Variants in ABCB9 observed in about 807,000 individuals in gnomAD.
ABCB9 encodes ABC-type oligopeptide transporter ABCB9.
A neutral mutation model predicts 62.0 loss-of-function variants in ABCB9; 36 were observed. That is an observed-to-expected ratio of 0.58 (90% CI 0.45 to 0.77). The LOEUF (loss-of-function observed/expected upper bound fraction) is 0.77. Ranked by LOEUF, ABCB9 falls within the 30% of genes least tolerant of loss-of-function variation. The probability of loss-of-function intolerance (pLI) is 0.00; values close to 1 mark genes in which losing one functional copy is unlikely to be tolerated. For synonymous variants in ABCB9, 435 were observed against 461.4 expected, an observed-to-expected ratio of 0.94 and a Z score of 0.73; for missense variants, 943 against 1,054.7, an observed-to-expected ratio of 0.89 and a Z score of 1.47.
chr12:122,939,948 G>T, intron 9 of ABCB9, 163 bp downstream of exon 9: 1 of 1,025,200 alleles, frequency 9.8e-7, no homozygotes, highest in Non-Finnish European at 1.4e-6. Context: ...CACCACGTCT[G>T]GACAAGAATG....
At chr12:122,919,025 G>A (rs1184839072), downstream of ABCB9, among the ~76,000 whole-genome samples, 2 of 152,114 alleles carry the variant, frequency 1.3e-5, no homozygotes, top group African/African-American at 2.4e-5. Context: ...TCTTTCATTT[G>A]CATAATGCTT....
At chr12:122,919,881 G>GTTTATTTATTTATTATTTA (rs2034706191), downstream of ABCB9, among the ~76,000 whole-genome samples, 1 of 138,814 alleles carries the variant, frequency 7.2e-6, no homozygotes, top group South Asian at 2.3e-4. Context: ...CTGTTTGTTT[G>GTTTATTTATTTATTATTTA]TTTATTTATT....
rs946146244 is a variant in ABCB9, at chr12:122,932,422, G to A, written c.1904-94C>T. The A allele has an allele frequency of 6.9e-7, 1 of 1,448,550 alleles. No homozygotes were observed. The highest frequency in any genetic ancestry group is 2.5e-5 in the Admixed American group (1 of 40,716). 89.7% of individuals were successfully genotyped at this position (1,448,550 alleles called of 1,614,324 possible). On this transcript the variant is annotated intron_variant, in intron 10 of 11. Transcript: ENST00000280560. This position sits in a 1 kb window ranked among gnomAD's most constrained non-coding sequence, Gnocchi z 4.7. Reference sequence around the variant, plus strand: ...GGCCCTGCCCTGCAGCTGTGGAAAGGGCGGGCTGGAACCCACAACTTGAAA... The same window carrying A: ...GGCCCTGCCCTGCAGCTGTGGAAAGAGCGGGCTGGAACCCACAACTTGAAA...
intron 5 of ABCB9, chr12:122,946,470 C>T (rs1176452298): frequency 1.3e-5 from 7 of 546,190 alleles, no homozygotes; most frequent in South Asian, 2.1e-5. Flanking sequence ...GGATAGGGCA[C>T]GGTGCTGATC....
chr12:122,964,483 C>T lies in ABCB9; in HGVS notation c.-88+1804G>A, dbSNP rs1485001471. 2.6e-5 allele frequency among the ~76,000 whole-genome samples: 4 copies of T among 152,218 alleles called. No homozygotes were observed. The highest frequency in any genetic ancestry group is 5.9e-5 in the Non-Finnish European group (4 of 68,034). On this transcript the variant is annotated intron_variant, in intron 1 of 11. Transcript: ENST00000280560. The surrounding 1 kb of genome is among the most constrained non-coding windows in gnomAD (Gnocchi z 4.7). ...AGCAGTGCTAGCACCTGGGTCCCTGCCCCCAAGCACTAGTCCTTCTACCAC... is the reference window on the plus strand; with the variant it reads ...AGCAGTGCTAGCACCTGGGTCCCTGTCCCCAAGCACTAGTCCTTCTACCAC...
rs374106311 is a variant in ABCB9, at chr12:122,932,177, C to A, written c.2040+15G>T. 29 of 1,551,700 alleles carry A rather than the reference C, an allele frequency of 1.9e-5. No homozygotes were observed. The African/African-American group carries it at 3.0e-4, about 16-fold the overall frequency. ...CCGCTCCTGCCCCCGCATTGCCCACCACCCTGTGACTCACCAGATACTCGC... is the reference window on the plus strand; with the variant it reads ...CCGCTCCTGCCCCCGCATTGCCCACAACCCTGTGACTCACCAGATACTCGC... On this transcript the variant is annotated intron_variant, in intron 11 of 11. Transcript: ENST00000280560. The surrounding 1 kb of genome is among the most constrained non-coding windows in gnomAD (Gnocchi z 4.7).
downstream of ABCB9, among the ~76,000 whole-genome samples, chr12:122,919,885 A>G (rs11060770): frequency 0.014 from 798 of 55,160 alleles, 5 homozygotes; most frequent in Non-Finnish European, 0.023. Flanking sequence ...TTGTTTGTTT[A>G]TTTATTTATT....
In ABCB9 at chr12:122,930,127, G is replaced by A; in HGVS notation, c.2085C>T (p.Leu695=). ...CGGTGCTCAGCCGGTGCGCGATGAT[G>A]AGTACCGTGTGCTTCTGCAGGTTGC... ...IHGNLQKHTV[L]IIAHRLSTVE... is the part of the protein sequence containing the mutation. Residue 695 remains leucine, a synonymous_variant, in exon 12 of 12, where the codon CTC becomes CTT. Coordinates refer to ENST00000280560, the MANE Select transcript of ABCB9 (RefSeq NM_019625.4). This position sits in a 1 kb window ranked among gnomAD's most constrained non-coding sequence, Gnocchi z 4.9. The A allele has an allele frequency of 6.4e-7, 1 of 1,554,394 alleles. No individual in the cohort carries two copies.
At position 122,944,474 on chromosome 12, in the gene ABCB9, G is replaced by T; in HGVS notation, c.1297C>A (p.His433Asn). Residue 433 changes from histidine to asparagine, a missense_variant, in exon 7 of 12, where the codon CAC becomes AAC. By Grantham distance (68) the His-to-Asn change is moderately conservative. Transcript: ENST00000280560. The surrounding 1 kb of genome is among the most constrained non-coding windows in gnomAD (Gnocchi z 4.9). ...VQVSILYYGG[H>N]LVISGQMTSG... ...GTCATCTGGCCTGAGATGACAAGGT[G>T]GCCCCCGTAGTAGAGGATGCTGACC... is the stretch of plus-strand genomic sequence containing the variant. 6.2e-7 allele frequency: 1 copy of T among 1,614,062 alleles called. No homozygotes were observed. Among genetic ancestry groups the T allele is most frequent in the African/African-American group, 1.3e-5 (1 of 75,062 alleles).
At chr12:122,935,559 G>T in intron 9 of ABCB9, 128 bp from the exon 10 acceptor site, 1 of 1,101,852 alleles carries the variant, frequency 9.1e-7, no homozygotes. Context: ...AGGGCCCAGT[G>T]ACTGCACTGA....
intron 11 of ABCB9, among the ~76,000 whole-genome samples, chr12:122,921,672 G>C (rs1045734613): frequency 6.6e-6 from 1 of 152,170 alleles, no homozygotes; most frequent in South Asian, 2.1e-4. Flanking sequence ...AGCTACTCGG[G>C]AGGCTGAGGC....
downstream of ABCB9, among the ~76,000 whole-genome samples, chr12:122,926,491 G>A (rs999980814): frequency 5.9e-5 from 9 of 152,286 alleles, no homozygotes; most frequent in Admixed American, 3.3e-4. Flanking sequence ...AGGTTGCAGC[G>A]AGCTAAGATT....
intron 2 of ABCB9, among the ~76,000 whole-genome samples, chr12:122,954,921 C>T (rs974900871): frequency 2.0e-5 from 3 of 152,190 alleles, no homozygotes; most frequent in Non-Finnish European, 4.4e-5. Flanking sequence ...CTGGGCACTG[C>T]TGAATGCTTG....
At position 122,944,596 on chromosome 12, in the gene ABCB9, G is replaced by C; in HGVS notation, c.1252-77C>G. ...CATCCCCATTCCCTGACCCATCCCAGGCTGCAGGGGGAGGTGAGGGCAGAC... is the reference window on the plus strand; with the variant it reads ...CATCCCCATTCCCTGACCCATCCCACGCTGCAGGGGGAGGTGAGGGCAGAC... On this transcript the variant is annotated intron_variant, in intron 6 of 11. Coordinates refer to ENST00000280560, the MANE Select transcript of ABCB9 (RefSeq NM_019625.4). This position sits in a 1 kb window ranked among gnomAD's most constrained non-coding sequence, Gnocchi z 4.9. The C allele has an allele frequency of 6.4e-7, 1 of 1,568,156 alleles. No individual in the cohort carries two copies. Among genetic ancestry groups the C allele is most frequent in the Non-Finnish European group, 8.7e-7 (1 of 1,154,228 alleles).
chr12:122,935,668 G>A (rs2035423832), intron 9 of ABCB9, among the ~76,000 whole-genome samples: 1 of 152,176 alleles, frequency 6.6e-6, no homozygotes, highest in South Asian at 2.1e-4. Flanking sequence ...TTGCTGCTCT[G>A]GGATAAGCCA....
At chr12:122,938,858 TAAATA>T (rs1009444598) in intron 9 of ABCB9, among the ~76,000 whole-genome samples, 4 of 149,018 alleles carry the variant, frequency 2.7e-5, no homozygotes, top group Non-Finnish European at 4.5e-5. Context: ...AATAAACAAA[TAAATA>T]AAATAAAATA....
At chr12:122,927,115 T>G (rs1465786076), downstream of ABCB9, among the ~76,000 whole-genome samples, 1 of 152,168 alleles carries the variant, frequency 6.6e-6, no homozygotes, top group Non-Finnish European at 1.5e-5. Flanking sequence ...GGGTGGGGCA[T>G]AAGGGAACTT....
In ABCB9 at chr12:122,957,882, C is replaced by T. The variant is rs982006996; in HGVS notation, c.601+1753G>A. 1.1e-4 allele frequency among the ~76,000 whole-genome samples: 17 copies of T among 151,080 alleles called. No individual in the cohort carries two copies. The South Asian group carries it at 2.7e-3, about 24-fold the overall frequency. ...AAATGTGTATGAACAGAATTATTGA[C>T]GTGCAGGTCGGGCGCAGTGGCTCAT... is the stretch of plus-strand genomic sequence containing the variant. On this transcript the variant is annotated intron_variant, in intron 2 of 11. Transcript: ENST00000280560.
chr12:122,935,295 T>A lies in ABCB9; in HGVS notation c.1880A>T (p.Glu627Val). Residue 627 changes from glutamate (E) to valine (V), a missense_variant, in exon 10 of 12, where the codon GAA (glutamate) becomes GTA (valine). By Grantham distance (121) the Glu-to-Val change is moderately radical. Coordinates refer to ENST00000280560, the MANE Select transcript of ABCB9 (RefSeq NM_019625.4). ...ACCTGTGCTGTAGCCGTCCTGGAGT[T>A]CCATGATGAAGCCGTGGGCATTGGC... Reference protein sequence around the residue: ...QKANAHGFIMELQDGYSTETG... With the variant: ...QKANAHGFIMVLQDGYSTETG... 6.2e-7 allele frequency: 1 copy of A among 1,612,106 alleles called. No individual in the cohort carries two copies. The highest frequency in any genetic ancestry group is 1.1e-5 in the South Asian group (1 of 90,636).
Sources: allele counts gnomAD v4.1 joint callset (sites outside exome capture counted in the v4.1 genomes callset), GRCh38; gene constraint gnomAD v4.1.1; non-coding constraint Gnocchi (gnomAD v3.1); transcripts MANE v1.5; gene names NCBI Gene and HGNC (gene_info 2026-07-23, HGNC 2026-07-21).